The following IGFL2 variants were observed in gnomAD, a reference collection of about 807,000 sequenced individuals.
IGFL2 encodes insulin growth factor-like family member 2.
A neutral mutation model predicts 13.9 loss-of-function variants in IGFL2; 7 were observed. That is an observed-to-expected ratio of 0.51 (90% confidence interval 0.29 to 0.95). IGFL2 has a LOEUF of 0.95. Ranked by LOEUF, IGFL2 falls within the 40% of genes least tolerant of loss-of-function variation. The pLI is 0.08. For missense variants in IGFL2, 138 were observed against 147.8 expected, an observed-to-expected ratio of 0.93 and a Z score of 0.34; for synonymous variants, 55 against 55.8, an observed-to-expected ratio of 0.99 and a Z score of 0.07.
intron 1 of IGFL2, among the ~76,000 whole-genome samples, chr19:46,150,778 C>G (rs916930329): frequency 6.6e-6 from 1 of 152,112 alleles, no homozygotes; most frequent in African/African-American, 2.4e-5. Context: ...TCAAGTGATC[C>G]TTCCACCTCA....
the IGFL2 span, among the ~76,000 whole-genome samples, chr19:46,090,114 A>G: frequency 6.6e-6 from 1 of 151,648 alleles, no homozygotes; most frequent in African/African-American, 2.4e-5. Flanking sequence ...TCTTTTTTCT[A>G]CTTGATTAGT....
chr19:46,149,500 C>T (rs1346568283), intron 1 of IGFL2, among the ~76,000 whole-genome samples: 3 of 151,612 alleles, frequency 2.0e-5, no homozygotes, highest in South Asian at 2.1e-4. Context: ...CCATAGCCCC[C>T]GACCACCGCA....
At chr19:46,111,919 C>A in the IGFL2 span, 1 of 152,124 alleles carries the variant, frequency 6.6e-6, no homozygotes, top group Non-Finnish European at 1.5e-5. Context: ...ATGTACACCC[C>A]GAGTCTGTAC....
the IGFL2 span, among the ~76,000 whole-genome samples, chr19:46,132,483 T>G: frequency 6.6e-6 from 1 of 152,206 alleles, no homozygotes; most frequent in Non-Finnish European, 1.5e-5. Context: ...CACCCAAAGT[T>G]GATAGACTCA....
chr19:46,155,020 G>T (rs1256431570), intron 1 of IGFL2, among the ~76,000 whole-genome samples: 1 of 152,062 alleles, frequency 6.6e-6, no homozygotes, highest in African/African-American at 2.4e-5. Context: ...TCTACAGCTA[G>T]AACACTGGGA....
At chr19:46,176,003 C>T in the IGFL2 span, among the ~76,000 whole-genome samples, 3 of 140,378 alleles carry the variant, frequency 2.1e-5, no homozygotes, top group Admixed American at 7.4e-5. Flanking sequence ...CCACTACGCC[C>T]GACTAATTTT....
At chr19:46,190,565 C>T in the IGFL2 span, among the ~76,000 whole-genome samples, 2 of 152,142 alleles carry the variant, frequency 1.3e-5, no homozygotes, top group Admixed American at 6.5e-5. Context: ...TCTTAATAGA[C>T]GTAAAGTCAT....
Position 46,150,227 on chromosome 19 carries a change from TTTA to T in IGFL2, c.19+1939_19+1941del, listed in dbSNP as rs1329306607. 2.6e-5 allele frequency among the ~76,000 whole-genome samples: 4 copies of T among 152,326 alleles called. No homozygotes were observed. In the South Asian group the frequency reaches 8.3e-4, roughly 32 times the overall value. ...TCCATGTTTAAATTGGGTTATTTAT[TTTA>T]TTATTATTTAGTTGTAAGAGTTTTA... is the stretch of plus-strand genomic sequence containing the variant. On this transcript the variant is annotated intron_variant, in intron 1 of 3. Coordinates refer to ENST00000377693, the MANE Select transcript of IGFL2 (RefSeq NM_001135113.2).
chr19:46,087,957 A>G, the IGFL2 span, among the ~76,000 whole-genome samples: 1 of 152,158 alleles, frequency 6.6e-6, no homozygotes, highest in Non-Finnish European at 1.5e-5. Context: ...CATTGGAGCA[A>G]TGCCATAGTG....
At chr19:46,082,949 A>G in the IGFL2 span, among the ~76,000 whole-genome samples, 1 of 152,166 alleles carries the variant, frequency 6.6e-6, no homozygotes, top group Non-Finnish European at 1.5e-5. Flanking sequence ...TGACATCTCC[A>G]GAAAGAAAAC....
chr19:46,109,641 A>G, the IGFL2 span, among the ~76,000 whole-genome samples: 1 of 152,038 alleles, frequency 6.6e-6, no homozygotes, highest in Non-Finnish European at 1.5e-5. Flanking sequence ...AGGGTGGGGG[A>G]GAATATTACA....
the IGFL2 span, among the ~76,000 whole-genome samples, chr19:46,092,153 C>T: frequency 2.0e-5 from 3 of 152,030 alleles, no homozygotes; most frequent in African/African-American, 7.2e-5. Context: ...TAATGCAATA[C>T]TAACTTTGTG....
upstream of IGFL2, among the ~76,000 whole-genome samples, chr19:46,138,435 T>C (rs555606187): frequency 1.3e-5 from 2 of 152,130 alleles, no homozygotes; most frequent in Non-Finnish European, 2.9e-5. Context: ...GCAACAACAC[T>C]CCAACGTGGG....
intron 1 of IGFL2, among the ~76,000 whole-genome samples, chr19:46,154,986 C>T (rs543123096): frequency 6.6e-6 from 1 of 152,240 alleles, no homozygotes; most frequent in South Asian, 2.1e-4. Flanking sequence ...CAGCAGCTAG[C>T]TTCTCCTGCA....
At chr19:46,177,997 G>A in the IGFL2 span, among the ~76,000 whole-genome samples, 3 of 152,112 alleles carry the variant, frequency 2.0e-5, no homozygotes, top group African/African-American at 7.2e-5. Context: ...TAGAGAGCGT[G>A]GCCGGGTGCG....
At chr19:46,168,330 G>A in the IGFL2 span, among the ~76,000 whole-genome samples, 1 of 152,148 alleles carries the variant, frequency 6.6e-6, no homozygotes, top group South Asian at 2.1e-4. Context: ...GGCAGTTGCT[G>A]GGCAAATGTC....
At chr19:46,157,449 C>T (rs1241182483) in intron 1 of IGFL2, among the ~76,000 whole-genome samples, 1 of 152,126 alleles carries the variant, frequency 6.6e-6, no homozygotes, top group Non-Finnish European at 1.5e-5. Flanking sequence ...AGGGCTTATT[C>T]CAGAATGTAA....
chr19:46,137,416 G>A, the IGFL2 span: 36 of 1,032,088 alleles, frequency 3.5e-5, no homozygotes, highest in East Asian at 3.1e-4. Flanking sequence ...TTTCTTGCTC[G>A]GAAGGATGGA....
the IGFL2 span, among the ~76,000 whole-genome samples, chr19:46,198,611 G>A: frequency 2.0e-5 from 3 of 152,026 alleles, no homozygotes; most frequent in Non-Finnish European, 2.9e-5. Context: ...CATTCGTGCT[G>A]GAATAAACTC....
Sources: allele counts gnomAD v4.1 joint callset (sites outside exome capture counted in the v4.1 genomes callset), GRCh38; gene constraint gnomAD v4.1.1; transcripts MANE v1.5; gene names NCBI Gene and HGNC (gene_info 2026-07-23, HGNC 2026-07-21).